The following IARS2 variants were observed in gnomAD, a reference collection of about 807,000 sequenced individuals.
The protein encoded by IARS2 is isoleucine--tRNA ligase, mitochondrial.
A neutral mutation model predicts 126.3 loss-of-function variants in IARS2; 56 were observed. That is an observed-to-expected ratio of 0.44 (90% CI 0.36 to 0.55). The LOEUF (loss-of-function observed/expected upper bound fraction) is 0.55. Among genes scored for constraint, IARS2 ranks in the 20% least tolerant of loss-of-function variants. IARS2 has a pLI of 0.00. For synonymous variants in IARS2, 407 were observed against 441.1 expected, an observed-to-expected ratio of 0.92 and a Z score of 0.97; for missense variants, 1,127 against 1,245.9, an observed-to-expected ratio of 0.90 and a Z score of 1.44.
At chr1:220,138,925 G>C in intron 17 of IARS2, 83 bp from the exon 18 acceptor site, 2 of 1,239,426 alleles carry the variant, frequency 1.6e-6, no homozygotes, top group Non-Finnish European at 2.3e-6. Flanking sequence ...AATGACAAGA[G>C]TTAGTAATAA....
intron 14 of IARS2, among the ~76,000 whole-genome samples, chr1:220,132,482 C>A (rs1433255446): frequency 6.7e-6 from 1 of 149,306 alleles, no homozygotes; most frequent in Non-Finnish European, 1.5e-5. Context: ...TGTGATGATC[C>A]TTTGTATTTC....
rs34903707 is a variant in IARS2 at position 220,111,598 on chromosome 1, A to ATGTGTGTG, written c.1479+681_1479+688dup. Among the ~76,000 whole-genome samples, 237 of 134,842 alleles carry ATGTGTGTG rather than the reference A, an allele frequency of 1.8e-3. 3 individuals are homozygous for ATGTGTGTG. Among genetic ancestry groups the ATGTGTGTG allele is most frequent in the East Asian group, 0.017 (76 of 4,564 alleles). The allele number at this position is 134,842 out of a possible 152,430, so 88.5% of individuals were successfully genotyped here. A position where few individuals can be genotyped will look rare whatever the true frequency, so the allele number is the denominator to read the frequency against. ...TGGGTATATATATATATATATATAT[A>ATGTGTGTG]TGTGTGTGTGTGTGTGTGTGTGTGT... On this transcript the variant is annotated intron_variant, in intron 11 of 22. Coordinates refer to ENST00000366922, the MANE Select transcript of IARS2 (RefSeq NM_018060.4).
intron 21 of IARS2, 84 bp from the exon 22 acceptor site, chr1:220,145,425 G>C: frequency 7.6e-7 from 1 of 1,311,584 alleles, no homozygotes; most frequent in Non-Finnish European, 1.0e-6. Context: ...CTCTAAACGT[G>C]AGATTTTATA....
At position 220,116,574 on chromosome 1, in the gene IARS2, A is replaced by C. The variant is rs192671955; in HGVS notation, c.1640+2100A>C. ...TAGGAAAAGAAAGTAGAGGCTAGAG[A>C]CTGGAAAGTCATTGGAAAGCTATTT... On this transcript the variant is annotated intron_variant, in intron 12 of 22. Coordinates refer to ENST00000366922, the MANE Select transcript of IARS2 (RefSeq NM_018060.4). 4.1e-3 allele frequency among the ~76,000 whole-genome samples: 617 copies of C among 152,184 alleles called. 5 individuals carry two copies. The highest frequency in any genetic ancestry group is 6.8e-3 in the Middle Eastern group (2 of 294).
chr1:220,121,443 TTGG>T, intron 12 of IARS2, among the ~76,000 whole-genome samples: 1 of 152,280 alleles, frequency 6.6e-6, no homozygotes, highest in Non-Finnish European at 1.5e-5. Flanking sequence ...CTGACTAAAC[TTGG>T]TGGGATTTTA....
chr1:220,113,637 A>ATAGAGAGAGAGAGAGAGATTTATTT (rs1558123583), intron 11 of IARS2, among the ~76,000 whole-genome samples: 1 of 151,752 alleles, frequency 6.6e-6, no homozygotes, highest in African/African-American at 2.4e-5. Context: ...ATATATATAT[A>ATAGAGAGAGAGAGAGAGATTTATTT]TAGAGAGAGA....
intron 22 of IARS2, 25 bp downstream of exon 22, chr1:220,145,678 G>A: frequency 6.3e-7 from 1 of 1,590,024 alleles, no homozygotes. Flanking sequence ...AAAGTAACAA[G>A]TAACATCTGG....
rs766651661 is a variant in IARS2 at position 220,102,493 on chromosome 1, A to T, written c.750-2A>T. 6.2e-7 allele frequency: 1 copy of T among 1,613,162 alleles called. No individual in the cohort carries two copies. The highest frequency in any genetic ancestry group is 1.1e-5 in the South Asian group (1 of 90,996). ...TTTATGTTTAATATTTTTAACCCTT[A>T]GGACTGCATTGGCTGAAGCAGAACT... On this transcript the variant is annotated splice_acceptor_variant, in intron 5 of 22. Transcript: ENST00000366922. LOFTEE classifies it high-confidence loss of function.
chr1:220,136,373 C>T (rs1314918633), intron 15 of IARS2, among the ~76,000 whole-genome samples: 1 of 152,290 alleles, frequency 6.6e-6, no homozygotes. Flanking sequence ...CTCAAGTGAT[C>T]TGCCTGCCTT....
chr1:220,111,306 G>A (rs1345471236), intron 11 of IARS2, among the ~76,000 whole-genome samples: 1 of 152,042 alleles, frequency 6.6e-6, no homozygotes, highest in African/African-American at 2.4e-5. Flanking sequence ...ATCTCATGGA[G>A]TAAGGAAATT....
At position 220,138,036 on chromosome 1, in the gene IARS2, T is replaced by A; in HGVS notation, c.2168T>A (p.Ile723Asn). Residue 723 changes from isoleucine (I) to asparagine (N), a missense_variant, in exon 17 of 23, where the codon ATT becomes AAT. Coordinates refer to ENST00000366922, the MANE Select transcript of IARS2 (RefSeq NM_018060.4). ...PSVLNAARDD[I>N]SKLRNTLRFL... ...GTGCTCAATGCTGCCAGAGATGATA[T>A]TAGCAAGGTTAGAACTATTATTCTT... The A allele has an allele frequency of 1.2e-6, 2 of 1,614,100 alleles. No individual in the cohort carries two copies. The highest frequency in any genetic ancestry group is 1.7e-6 in the Non-Finnish European group (2 of 1,179,980).
At chr1:220,109,653 A>G (rs1346215833) in intron 10 of IARS2, among the ~76,000 whole-genome samples, 1 of 152,214 alleles carries the variant, frequency 6.6e-6, no homozygotes, top group African/African-American at 2.4e-5. Context: ...AATCAGTGGC[A>G]AAAACATAAT....
chr1:220,120,592 T>C (rs1281828948), intron 12 of IARS2, among the ~76,000 whole-genome samples: 1 of 152,086 alleles, frequency 6.6e-6, no homozygotes, highest in Non-Finnish European at 1.5e-5. Context: ...CCCAGGCTGG[T>C]CTTGAAGTCC....
At chr1:220,144,359 T>C in intron 21 of IARS2, 1 of 670,378 alleles carries the variant, frequency 1.5e-6, no homozygotes, top group East Asian at 2.5e-5. Flanking sequence ...ATTGTGGTGG[T>C]GCAGAAAGAC....
intron 14 of IARS2, among the ~76,000 whole-genome samples, chr1:220,130,852 T>C (rs1030224124): frequency 6.6e-6 from 1 of 152,200 alleles, no homozygotes; most frequent in African/African-American, 2.4e-5. Flanking sequence ...GGTGTCCTTT[T>C]CCCACTGTAT....
chr1:220,107,916 T>A (rs1656714250), intron 10 of IARS2, among the ~76,000 whole-genome samples: 1 of 152,180 alleles, frequency 6.6e-6, no homozygotes, highest in African/African-American at 2.4e-5. Context: ...TACTTGTTTT[T>A]TCGAGACAAT....
At chr1:220,117,829 C>T (rs374129083) in intron 12 of IARS2, 11 of 515,970 alleles carry the variant, frequency 2.1e-5, no homozygotes, top group Admixed American at 1.0e-4. Context: ...GCGTTGGTTG[C>T]GTGGTGTTAG....
chr1:220,103,503 A>C lies in IARS2; in HGVS notation c.1007A>C (p.Lys336Thr), dbSNP rs1449884050. 1 of 1,613,698 alleles carries C rather than the reference A, an allele frequency of 6.2e-7. No individual in the cohort carries two copies. Among genetic ancestry groups the C allele is most frequent in the Non-Finnish European group, 8.5e-7 (1 of 1,179,672 alleles). Residue 336 changes from lysine (K) to threonine (T), a missense_variant, in exon 8 of 23, where the codon AAA becomes ACA. By Grantham distance (78) the Lys-to-Thr change is moderately conservative. Coordinates refer to ENST00000366922, the MANE Select transcript of IARS2 (RefSeq NM_018060.4). ...SGDLYVLAAD[K>T]VASVASTLET... Reference sequence around the variant, plus strand: ...GACCTCTACGTACTGGCGGCAGATAAAGTAGCATCTGTTGCTTCTACTTTG... The same window carrying C: ...GACCTCTACGTACTGGCGGCAGATACAGTAGCATCTGTTGCTTCTACTTTG...
rs1290037054 is a variant in IARS2, at chr1:220,102,796, T to A, written c.950+19T>A. 6.9e-7 allele frequency: 1 copy of A among 1,447,046 alleles called. No homozygotes were observed. The highest frequency in any genetic ancestry group is 2.3e-5 in the East Asian group (1 of 44,088). The allele number at this position is 1,447,046 out of a possible 1,614,324, so 89.6% of individuals were successfully genotyped here. A position where few individuals can be genotyped will look rare whatever the true frequency, so the allele number is the denominator to read the frequency against. ...AATCAAAGTGGGTATATTATTGCAT[T>A]TTTTGTTTTATACACAAATAGAATG... On this transcript the variant is annotated intron_variant, in intron 7 of 22. Transcript: ENST00000366922.
Sources: gnomAD v4.1 joint callset for allele counts (sites outside exome capture counted in the v4.1 genomes callset) on GRCh38, gnomAD v4.1.1 for gene constraint, MANE v1.5 for transcripts, NCBI Gene and HGNC (gene_info 2026-07-23, HGNC 2026-07-21) for gene names.